Variants in EPB41L2 observed in about 807,000 individuals in gnomAD.
EPB41L2 encodes band 4.1-like protein 2.
A neutral mutation model predicts 113.0 loss-of-function variants in EPB41L2; 43 were observed. That is an observed-to-expected ratio of 0.38 (90% CI 0.30 to 0.49). The LOEUF is 0.49. Among genes scored for constraint, EPB41L2 ranks in the 20% least tolerant of loss-of-function variants. EPB41L2 has a pLI of 0.95. For synonymous variants in EPB41L2, 442 were observed against 436.7 expected (o/e 1.01, Z -0.15); for missense variants, 1,147 against 1,223.4 (o/e 0.94, Z 0.93).
At position 130,951,312 on chromosome 6, in the gene EPB41L2, C is replaced by CTTTTTTTTTTTTTTTT. The variant is rs34082234; in HGVS notation, c.705+3777_705+3792dup. Among the ~76,000 whole-genome samples the CTTTTTTTTTTTTTTTT allele has an allele frequency of 1.8e-4, 9 of 50,846 alleles. 1 individual carries two copies. Among genetic ancestry groups the CTTTTTTTTTTTTTTTT allele is most frequent in the African/African-American group, 5.3e-4 (4 of 7,514 alleles). 33.4% of individuals were successfully genotyped at this position (50,846 alleles called of 152,430 possible). ...AGAAAAAAGATGCTCAGCCTCAGTA[C>CTTTTTTTTTTTTTTTT]TTTTTTTTTTTTTTTTTTTTTTTTT... On this transcript the variant is annotated intron_variant, in intron 3 of 19. Coordinates refer to ENST00000337057, the MANE Select transcript of EPB41L2 (RefSeq NM_001431.4).
At chr6:130,906,589 C>T (rs1374409536) in intron 5 of EPB41L2, among the ~76,000 whole-genome samples, 8 of 152,166 alleles carry the variant, frequency 5.3e-5, no homozygotes, top group Admixed American at 3.3e-4. Flanking sequence ...ACTAGTCATA[C>T]GCAAGCCTTA....
chr6:130,901,255 G>T, intron 6 of EPB41L2, 75 bp from the exon 7 acceptor site: 1 of 1,309,222 alleles, frequency 7.6e-7, no homozygotes. Flanking sequence ...GTCCTTAAAA[G>T]CTAGTACCCC....
chr6:130,877,382 T>G (rs1412422368), intron 14 of EPB41L2, among the ~76,000 whole-genome samples: 3 of 152,140 alleles, frequency 2.0e-5, no homozygotes, highest in Non-Finnish European at 4.4e-5. Flanking sequence ...AAGTTCTTGG[T>G]CAATAACAGG....
chr6:131,002,071 T>C (rs1030908689), intron 1 of EPB41L2, among the ~76,000 whole-genome samples: 2 of 152,208 alleles, frequency 1.3e-5, no homozygotes, highest in African/African-American at 4.8e-5. Context: ...TAAAGTCAAA[T>C]GCAAATAAAG....
intron 8 of EPB41L2, among the ~76,000 whole-genome samples, chr6:130,898,154 A>G (rs1302224727): frequency 6.6e-6 from 1 of 152,060 alleles, no homozygotes; most frequent in Non-Finnish European, 1.5e-5. Flanking sequence ...TTTCTGCATA[A>G]AAAGATTTAA....
At chr6:130,892,202 A>G (rs979569565) in intron 10 of EPB41L2, among the ~76,000 whole-genome samples, 5 of 152,032 alleles carry the variant, frequency 3.3e-5, no homozygotes, top group African/African-American at 7.2e-5. Flanking sequence ...TGAGGAATAC[A>G]GGTGTCAGAA....
chr6:130,985,652 C>T (rs1780378426), intron 1 of EPB41L2, among the ~76,000 whole-genome samples: 1 of 152,096 alleles, frequency 6.6e-6, no homozygotes, highest in South Asian at 2.1e-4. Flanking sequence ...GTGACCTGGG[C>T]AGTGAAATGA....
intron 1 of EPB41L2, among the ~76,000 whole-genome samples, chr6:131,059,036 A>G (rs1455805966): frequency 6.6e-6 from 1 of 151,728 alleles, no homozygotes. Flanking sequence ...TAAAAACAAC[A>G]ACAGCAACAA....
chr6:130,895,255 G>A (rs1046802204), intron 8 of EPB41L2, 136 bp from the exon 9 acceptor site: 37 of 938,288 alleles, frequency 3.9e-5, no homozygotes, highest in Non-Finnish European at 4.8e-5. Context: ...TGACAAGTAC[G>A]CACGTTAATG....
rs534492119 is a variant in EPB41L2 at position 130,994,713 on chromosome 6, G to A, written c.-14-38214C>T. On this transcript the variant is annotated intron_variant, in intron 1 of 19. Transcript: ENST00000337057. ...AAACATATAGAAAAGTATAGGTACT[G>A]TGAAAAACATAAATCTTGGGGCCCC... Among the ~76,000 whole-genome samples the A allele has an allele frequency of 1.2e-4, 19 of 152,310 alleles. No homozygotes were observed. The East Asian group carries it at 3.7e-3, about 29-fold the overall frequency.
rs78308848 is a variant in EPB41L2, at chr6:131,041,338, G to A, written c.-15+21817C>T. Among the ~76,000 whole-genome samples, 458 of 152,238 alleles carry A rather than the reference G, an allele frequency of 3.0e-3. 1 individual carries two copies. Among genetic ancestry groups the A allele is most frequent in the African/African-American group, 0.011 (437 of 41,530 alleles). On this transcript the variant is annotated intron_variant, in intron 1 of 19. Transcript: ENST00000337057. ...ATAATGTATCTAGGCAATAATCACC[G>A]ATGGCTGTTAAAAACCATTAGGCAA...
At chr6:130,984,881 T>C (rs1026428064) in intron 1 of EPB41L2, among the ~76,000 whole-genome samples, 11 of 152,108 alleles carry the variant, frequency 7.2e-5, no homozygotes, top group Non-Finnish European at 4.4e-5. Flanking sequence ...TAGAAGAAAC[T>C]TGAATAAAAC....
rs752174735 is a variant in EPB41L2 at position 130,956,411 on chromosome 6, T to C, written c.75A>G (p.Glu25=). Residue 25 remains glutamate (E), a synonymous_variant, in exon 2 of 20, where the codon GAA becomes GAG. Coordinates refer to ENST00000337057, the MANE Select transcript of EPB41L2 (RefSeq NM_001431.4). ...GATTTTCTGCTACTTCTTTAGGTTT[T>C]TCCTTGGTTGCATCTGTTCCTAACT... The part of the protein sequence containing the change: ...SSQLGTDATK[E]KPKEVAENQQ... The C allele has an allele frequency of 5.6e-6, 9 of 1,614,182 alleles. No homozygotes were observed. The highest frequency in any genetic ancestry group is 6.8e-6 in the Non-Finnish European group (8 of 1,180,040).
intron 6 of EPB41L2, among the ~76,000 whole-genome samples, chr6:130,901,867 A>G (rs1187563309): frequency 6.6e-6 from 1 of 152,228 alleles, no homozygotes; most frequent in East Asian, 1.9e-4. Flanking sequence ...TATAAATAAA[A>G]TATCTGGTAC....
intron 4 of EPB41L2, among the ~76,000 whole-genome samples, chr6:130,922,552 G>A (rs1366263532): frequency 6.6e-6 from 1 of 152,044 alleles, no homozygotes; most frequent in Non-Finnish European, 1.5e-5. Flanking sequence ...ACATTTATTG[G>A]CTAGGTGACC....
At chr6:130,852,903 T>A (rs1221642805) in intron 19 of EPB41L2, among the ~76,000 whole-genome samples, 3 of 152,128 alleles carry the variant, frequency 2.0e-5, no homozygotes, top group Non-Finnish European at 4.4e-5. Context: ...CCCCCTTTAC[T>A]CCTTCTTCAC....
At chr6:131,062,077 T>C (rs1031070779) in intron 1 of EPB41L2, among the ~76,000 whole-genome samples, 2 of 151,980 alleles carry the variant, frequency 1.3e-5, no homozygotes, top group African/African-American at 2.4e-5. Context: ...GTGGTGTTGA[T>C]GGGGCAATTC....
chr6:130,876,563 C>A (rs1787617743), intron 14 of EPB41L2: 1 of 532,388 alleles, frequency 1.9e-6, no homozygotes. Context: ...AAAATCATTT[C>A]AAAAAAATTT....
chr6:131,044,456 CA>C (rs1795047929), intron 1 of EPB41L2, among the ~76,000 whole-genome samples: 1 of 152,132 alleles, frequency 6.6e-6, no homozygotes, highest in African/African-American at 2.4e-5. Flanking sequence ...ACAATTGAGA[CA>C]TTTTTGACAA....
Sources: allele counts gnomAD v4.1 joint callset (sites outside exome capture counted in the v4.1 genomes callset), GRCh38; gene constraint gnomAD v4.1.1; transcripts MANE v1.5; gene names NCBI Gene and HGNC (gene_info 2026-07-23, HGNC 2026-07-21).